KIF18B: variants seen among roughly 807,000 people sequenced by gnomAD.
KIF18B encodes the protein kinesin-like protein KIF18B.
KIF18B carries 49 observed loss-of-function variants against 80.9 expected under a neutral mutation model. That is an observed-to-expected ratio of 0.61 (90% CI 0.48 to 0.77). The LOEUF is 0.77. Among genes scored for constraint, KIF18B ranks in the 30% least tolerant of loss-of-function variants. The probability of loss-of-function intolerance (pLI) is 0.00; values close to 1 mark genes in which losing one functional copy is unlikely to be tolerated. For synonymous variants in KIF18B, 439 were observed against 463.9 expected, an observed-to-expected ratio of 0.95 and a Z score of 0.69; for missense variants, 994 against 1,127.7, an observed-to-expected ratio of 0.88 and a Z score of 1.70.
At chr17:44,938,056 C>T (rs1474221724) in intron 1 of KIF18B, among the ~76,000 whole-genome samples, 1 of 151,712 alleles carries the variant, frequency 6.6e-6, no homozygotes, top group East Asian at 1.9e-4. Context: ...ACTCTTGTTG[C>T]CTAGGCTGGA....
chr17:44,935,317 C>G lies in KIF18B; in HGVS notation c.413G>C (p.Arg138Thr). 1 of 1,613,244 alleles carries G rather than the reference C, an allele frequency of 6.2e-7. No individual in the cohort carries two copies. Among genetic ancestry groups the G allele is most frequent in the African/African-American group, 1.3e-5 (1 of 75,002 alleles). ...CTCCTGCTGGCGGGCCTCCAGGCGC[C>G]TGTACAGTTCCACGGTGGTCAGGTA... ...IMYLTTVELY[R>T]RLEARQQEKH... The change falls in exon 3 of 16, where the codon AGG (arginine) becomes ACG (threonine). Residue 138 changes from arginine to threonine, a missense_variant. By Grantham distance (71) the Arg-to-Thr change is moderately conservative (BLOSUM62 -1). Coordinates refer to ENST00000593135, the MANE Select transcript of KIF18B (RefSeq NM_001265577.2).
At chr17:44,935,443 A>G in intron 2 of KIF18B, 27 bp from the exon 3 acceptor site, 1 of 1,552,074 alleles carries the variant, frequency 6.4e-7, no homozygotes, top group South Asian at 1.2e-5. Context: ...AAGGAGGAGG[A>G]CCCCAGTGCC....
At chr17:44,932,462 C>G (rs1228204101) in intron 9 of KIF18B, 1 of 598,402 alleles carries the variant, frequency 1.7e-6, no homozygotes, top group Non-Finnish European at 3.0e-6. Flanking sequence ...ATAGTAGGCC[C>G]TGCTCTTACG....
Position 44,928,238 on chromosome 17 carries a change from G to T in KIF18B, c.2064C>A (p.Arg688=). The T allele has an allele frequency of 6.2e-7, 1 of 1,613,590 alleles. No individual in the cohort carries two copies. Among genetic ancestry groups the T allele is most frequent in the Non-Finnish European group, 8.5e-7 (1 of 1,179,752 alleles). The part of the protein sequence containing the change: ...ERASSPCHSP[R]VCPATVIKSR... ...TTTTGATGACTGTGGCTGGGCAAAC[G>T]CGAGGGGAATGGCAGGGGGAGGAGG... is the stretch of plus-strand genomic sequence containing the variant. The change falls in exon 13 of 16, where the codon CGC becomes CGA. Residue 688 remains arginine, a synonymous_variant. Coordinates refer to ENST00000593135, the MANE Select transcript of KIF18B (RefSeq NM_001265577.2).
At chr17:44,936,618 ATATATATTTTTTTTTTTTTTTT>A (rs1386503717) in intron 1 of KIF18B, among the ~76,000 whole-genome samples, 20 of 72,754 alleles carry the variant, frequency 2.7e-4, no homozygotes, top group African/African-American at 1.2e-3. Flanking sequence ...ATATATATAT[ATATATATTTTTTTTTTTTTTTT>A]TTTTTTTTTT....
intron 2 of KIF18B, 102 bp from the exon 3 acceptor site, chr17:44,935,518 G>GGTCC (rs2052269909): frequency 1.0e-5 from 13 of 1,250,356 alleles, no homozygotes; most frequent in Middle Eastern, 2.2e-4. Context: ...TGTGTTCCCT[G>GGTCC]GTCCATTAAT....
chr17:44,931,764 C>A, intron 10 of KIF18B, 35 bp from the exon 11 acceptor site: 2 of 1,607,724 alleles, frequency 1.2e-6, no homozygotes, highest in Non-Finnish European at 1.7e-6. Context: ...GTAGAGGGGC[C>A]AGGATGGCCT....
At chr17:44,930,762 G>A (rs1191617977) in intron 11 of KIF18B, among the ~76,000 whole-genome samples, 3 of 152,204 alleles carry the variant, frequency 2.0e-5, no homozygotes, top group South Asian at 2.1e-4. Context: ...CTGGGTCATC[G>A]GTAGGAGCTC....
chr17:44,947,393 C>T (rs2052532036), intron 1 of KIF18B, among the ~76,000 whole-genome samples: 1 of 152,182 alleles, frequency 6.6e-6, no homozygotes, highest in Non-Finnish European at 1.5e-5. Context: ...GCGGAGGGGT[C>T]CTGACCACCC....
chr17:44,939,123 C>T (rs976720844), intron 1 of KIF18B, among the ~76,000 whole-genome samples: 2 of 151,544 alleles, frequency 1.3e-5, no homozygotes, highest in African/African-American at 4.9e-5. Context: ...GTAATCCTAG[C>T]ACTTTGGGAG....
chr17:44,928,694 C>T, intron 12 of KIF18B, 116 bp from the exon 13 acceptor site: 1 of 1,379,812 alleles, frequency 7.2e-7, no homozygotes. Context: ...GTCTAGGATC[C>T]CAGGGGCCCA....
intron 1 of KIF18B, among the ~76,000 whole-genome samples, chr17:44,940,864 C>G (rs551146959): frequency 6.6e-6 from 1 of 152,164 alleles, no homozygotes; most frequent in African/African-American, 2.4e-5. Flanking sequence ...TTCTTAACTT[C>G]GTCCCCATAT....
chr17:44,926,223 G>A (rs750588690), intron 15 of KIF18B, 37 bp from the exon 16 acceptor site: 28 of 1,612,028 alleles, frequency 1.7e-5, no homozygotes, highest in Non-Finnish European at 2.2e-5. Context: ...GGAGTGCAGC[G>A]AGGAAGGAAA....
At chr17:44,942,041 A>AC (rs2052430875) in intron 1 of KIF18B, among the ~76,000 whole-genome samples, 1 of 152,054 alleles carries the variant, frequency 6.6e-6, no homozygotes, top group African/African-American at 2.4e-5. Flanking sequence ...TCAGCATCTG[A>AC]CCAAGGGGGA....
chr17:44,925,952 G>C lies in KIF18B; in HGVS notation c.*128C>G. The C allele has an allele frequency of 2.3e-6, 2 of 853,218 alleles. No homozygotes were observed. The highest frequency in any genetic ancestry group is 3.8e-6 in the Non-Finnish European group (2 of 519,932). 52.9% of individuals were successfully genotyped at this position (853,218 alleles called of 1,614,324 possible). A position where few individuals can be genotyped will look rare whatever the true frequency, so the allele number is the denominator to read the frequency against. ...GATGTTAATACAGCAAAGGTGTGTT[G>C]GCACTAATTGCTCCCAGGTAAGGAA... On this transcript the variant is annotated 3_prime_UTR_variant, in exon 16 of 16. Transcript: ENST00000593135.
chr17:44,926,413 C>T lies in KIF18B; in HGVS notation c.2452+1G>A. On this transcript the variant is annotated splice_donor_variant, in intron 15 of 15. Coordinates refer to ENST00000593135, the MANE Select transcript of KIF18B (RefSeq NM_001265577.2). LOFTEE classifies it high-confidence loss of function. ...CTATCCCTGTCCCTAGTGCCAGTCA[C>T]CTGGGAGTACAAGGGGCCCAGCTGG... 6.4e-7 allele frequency: 1 copy of T among 1,570,530 alleles called. No individual in the cohort carries two copies. Among genetic ancestry groups the T allele is most frequent in the Non-Finnish European group, 8.6e-7 (1 of 1,157,982 alleles).
intron 11 of KIF18B, 23 bp from the exon 12 acceptor site, chr17:44,929,047 C>T (rs2052093241): frequency 6.2e-7 from 1 of 1,608,104 alleles, no homozygotes; most frequent in South Asian, 1.1e-5. Context: ...AAAGGGGATT[C>T]CCAGCCCTGC....
intron 12 of KIF18B, 63 bp downstream of exon 12, chr17:44,928,756 C>T (rs2052084841): frequency 4.5e-6 from 7 of 1,540,798 alleles, no homozygotes; most frequent in Non-Finnish European, 6.2e-6. Flanking sequence ...CACCCCTTGG[C>T]CCCAGTGGGG....
chr17:44,925,818 C>CA lies in KIF18B; in HGVS notation c.*261dup. Reference sequence around the variant, plus strand: ...ACAAAAAACAAAAACCACCAAAAAACAAAAAACAGCAGCACATTAACACTC... The same window carrying CA: ...ACAAAAAACAAAAACCACCAAAAAACAAAAAAACAGCAGCACATTAACACTC... On this transcript the variant is annotated 3_prime_UTR_variant, in exon 16 of 16. Transcript: ENST00000593135. 2.0e-6 allele frequency: 1 copy of CA among 509,516 alleles called. No homozygotes were observed. The highest frequency in any genetic ancestry group is 3.5e-6 in the Non-Finnish European group (1 of 289,736). 31.6% of individuals were successfully genotyped at this position (509,516 alleles called of 1,614,324 possible). A position where few individuals can be genotyped will look rare whatever the true frequency, so the allele number is the denominator to read the frequency against.
Sources: gnomAD v4.1 joint callset for allele counts (sites outside exome capture counted in the v4.1 genomes callset) on GRCh38, gnomAD v4.1.1 for gene constraint, MANE v1.5 for transcripts, NCBI Gene and HGNC (gene_info 2026-07-23, HGNC 2026-07-21) for gene names.